Variants in DOCK8 observed in about 807,000 individuals in gnomAD.
The protein encoded by DOCK8 is dedicator of cytokinesis 8.
Under a neutral mutation model 245.6 loss-of-function variants are expected in DOCK8, and 141 were observed. The observed-to-expected ratio is 0.57, with a 90% CI of 0.50 to 0.66. The LOEUF (loss-of-function observed/expected upper bound fraction) is 0.66, where lower values mean the gene tolerates loss of function less well. Ranked by LOEUF, DOCK8 falls within the 30% of genes least tolerant of loss-of-function variation. The pLI is 0.00. For synonymous variants in DOCK8, 1,168 were observed against 970.2 expected (o/e 1.20, Z -3.79); for missense variants, 2,965 against 2,603.4 (o/e 1.14, Z -3.02).
chr9:311,418 CTT>C (rs527490172), intron 5 of DOCK8, among the ~76,000 whole-genome samples: 36 of 139,088 alleles, frequency 2.6e-4, no homozygotes, highest in Non-Finnish European at 1.9e-4. Flanking sequence ...CTAAGTTTTG[CTT>C]TTTTTTTTTT....
chr9:401,503 G>C (rs1250951797), intron 26 of DOCK8, among the ~76,000 whole-genome samples: 1 of 152,186 alleles, frequency 6.6e-6, no homozygotes, highest in African/African-American at 2.4e-5. Context: ...TTAGGGCCCT[G>C]TATCTGCAAG....
chr9:215,187 T>C (rs1003771994), intron 1 of DOCK8, 158 bp downstream of exon 1: 7 of 1,512,812 alleles, frequency 4.6e-6, no homozygotes, highest in African/African-American at 2.9e-5. Flanking sequence ...GCTGCGGCGG[T>C]GGAGCCGCTG....
chr9:365,105 T>G (rs1012383999), intron 14 of DOCK8, among the ~76,000 whole-genome samples: 1 of 152,198 alleles, frequency 6.6e-6, no homozygotes, highest in Non-Finnish European at 1.5e-5. Flanking sequence ...AAGGGCAAGG[T>G]CATGTAGGAC....
chr9:352,594 T>A (rs7027426), intron 14 of DOCK8, among the ~76,000 whole-genome samples: 86,730 of 151,480 alleles, frequency 0.57, 25,620 homozygotes, highest in East Asian at 0.82. Context: ...ATACAAAAAA[T>A]TAGCTGGGCG....
chr9:413,178 A>AAT (rs1294845305), intron 28 of DOCK8, among the ~76,000 whole-genome samples: 1 of 152,192 alleles, frequency 6.6e-6, no homozygotes, highest in Non-Finnish European at 1.5e-5. Flanking sequence ...ATTTTCAATA[A>AAT]ATGGTGTTGG....
intron 25 of DOCK8, 122 bp from the exon 26 acceptor site, chr9:399,024 C>T (rs2054603184): frequency 5.8e-6 from 5 of 863,022 alleles, no homozygotes; most frequent in East Asian, 2.6e-5. Context: ...TCGCCCAGTG[C>T]CACCCAGAAG....
In DOCK8 at chr9:214,965, C is replaced by A; in HGVS notation, c.-12C>A. ...CCCGCGACCCTAGAAGCCACCGAAC[C>A]GCCGGCGGGCCATGGCCACTCTGCC... On this transcript the variant is annotated 5_prime_UTR_variant, in exon 1 of 48. Transcript: ENST00000432829. The A allele has an allele frequency of 2.5e-6, 4 of 1,602,178 alleles. No homozygotes were observed. The highest frequency in any genetic ancestry group is 3.4e-6 in the Non-Finnish European group (4 of 1,176,678).
At position 418,300 on chromosome 9, in the gene DOCK8, C is replaced by G. The variant is rs970959085; in HGVS notation, c.3840+93C>G. Reference sequence around the variant, plus strand: ...TTGTTTGTTTGTTTTGAGACAGAGTCTCACTCTGTTGCACAGGCTGGAGTG... The same window carrying G: ...TTGTTTGTTTGTTTTGAGACAGAGTGTCACTCTGTTGCACAGGCTGGAGTG... On this transcript the variant is annotated intron_variant, in intron 30 of 47. Coordinates refer to ENST00000432829, the MANE Select transcript of DOCK8 (RefSeq NM_203447.4). 4.2e-5 allele frequency: 65 copies of G among 1,530,272 alleles called. 1 individual carries two copies. The Middle Eastern group carries it at 8.7e-4, about 21-fold the overall frequency. The allele number at this position is 1,530,272 out of a possible 1,614,324, so 94.8% of individuals were successfully genotyped here.
rs2053765894 is a variant in DOCK8, at chr9:382,564, C to T, written c.2657C>T (p.Thr886Ile). The change falls in exon 22 of 48, where the codon ACA becomes ATA. Residue 886 changes from threonine (T) to isoleucine (I), a missense_variant. Thr to Ile is a moderately conservative substitution (Grantham distance 89). Transcript: ENST00000432829. ...CGGAGCTACCACACGTATGGCCGCA[C>T]ATCAGCTGCTGCTGTGAGTTCAAAG... ...DPRSYHTYGR[T>I]SAAAVSSKLL... 5 of 1,614,146 alleles carry T rather than the reference C, an allele frequency of 3.1e-6. No individual in the cohort carries two copies. The highest frequency in any genetic ancestry group is 4.2e-6 in the Non-Finnish European group (5 of 1,180,008).
At chr9:403,917 CATATATATATATGTGTA>C (rs2055253668) in intron 26 of DOCK8, among the ~76,000 whole-genome samples, 1 of 65,138 alleles carries the variant, frequency 1.5e-5, no homozygotes, top group African/African-American at 8.1e-5. Context: ...TATATATATA[CATATATATATATGTGTA>C]TATATATATG....
At chr9:457,939 G>A (rs1313583329) in intron 46 of DOCK8, among the ~76,000 whole-genome samples, 13 of 152,196 alleles carry the variant, frequency 8.5e-5, no homozygotes, top group Admixed American at 8.5e-4. Flanking sequence ...AAGAGGTTAA[G>A]TAGCTTGTTT....
intron 29 of DOCK8, among the ~76,000 whole-genome samples, chr9:416,912 G>A (rs2131614812): frequency 6.6e-6 from 1 of 152,210 alleles, no homozygotes; most frequent in East Asian, 1.9e-4. Context: ...TGTTAGTTGT[G>A]ATAATGTTAT....
chr9:240,248 T>C (rs986730196), intron 1 of DOCK8, among the ~76,000 whole-genome samples: 7 of 152,198 alleles, frequency 4.6e-5, no homozygotes, highest in Non-Finnish European at 7.4e-5. Context: ...GTCAATCTTT[T>C]ATACAGGTTA....
intron 44 of DOCK8, among the ~76,000 whole-genome samples, chr9:446,956 A>T (rs1376614334): frequency 1.3e-5 from 2 of 152,030 alleles, no homozygotes; most frequent in African/African-American, 4.8e-5. Flanking sequence ...TCTATATTTC[A>T]AAGCTTAGAG....
intron 14 of DOCK8, among the ~76,000 whole-genome samples, chr9:364,641 GAAAAA>G (rs34033459): frequency 3.5e-5 from 3 of 84,510 alleles, no homozygotes; most frequent in African/African-American, 1.3e-4. Flanking sequence ...CTCAAAAATT[GAAAAA>G]AAAAAAAAAA....
Position 386,377 on chromosome 9 carries a change from G to A in DOCK8, c.2825G>A (p.Ser942Asn), listed in dbSNP as rs747470097. ...CGAATGTCTTACTATTGCTCTGGCA[G>A]TAGTGATGCTCCAAGTTCACCTGCA... Reference protein sequence around the residue: ...CSRMSYYCSGSSDAPSSPAAP... With the variant: ...CSRMSYYCSGNSDAPSSPAAP... The change falls in exon 23 of 48, where the codon AGT (serine) becomes AAT (asparagine). Residue 942 changes from serine (S) to asparagine (N), a missense_variant. By Grantham distance (46) the Ser-to-Asn change is conservative (BLOSUM62 1). Coordinates refer to ENST00000432829, the MANE Select transcript of DOCK8 (RefSeq NM_203447.4). The A allele has an allele frequency of 1.1e-5, 18 of 1,613,864 alleles. No homozygotes were observed. In the East Asian group the frequency reaches 1.8e-4, roughly 16 times the overall value.
Position 334,339 on chromosome 9 carries a change from G to T in DOCK8, c.1240G>T (p.Val414Phe), listed in dbSNP as rs754749124. The T allele has an allele frequency of 6.2e-7, 1 of 1,614,148 alleles. No individual in the cohort carries two copies. The highest frequency in any genetic ancestry group is 8.5e-7 in the Non-Finnish European group (1 of 1,179,998). ...CATAAGCTTATCAAGCTTCTTCAAT[G>T]TCTCCACCCTTGAGAGGGAGGTAAC... The part of the protein sequence containing the change: ...APISLSSFFN[V>F]STLEREVTDV... Residue 414 changes from valine (V) to phenylalanine (F), a missense_variant, in exon 11 of 48, where the codon GTC becomes TTC. By Grantham distance (50) the Val-to-Phe change is conservative. Around this residue, in one of 3 missense-constraint regions of DOCK8, gnomAD observed 2,825 missense variants for 2,453.5 expected, o/e 1.15. Transcript: ENST00000432829.
At chr9:400,147 ACCATCACCACCACCACCACCT>A (rs2054760346) in intron 26 of DOCK8, among the ~76,000 whole-genome samples, 1 of 67,526 alleles carries the variant, frequency 1.5e-5, no homozygotes, top group Non-Finnish European at 2.6e-5. Flanking sequence ...CACCACCTCC[ACCATCACCACCACCACCACCT>A]CCACCATCAC....
intron 26 of DOCK8, among the ~76,000 whole-genome samples, chr9:400,897 C>CT: frequency 8.2e-6 from 1 of 121,496 alleles, no homozygotes; most frequent in Admixed American, 8.0e-5. Flanking sequence ...CCACCACCTC[C>CT]CCCACTACCA....
Sources: allele counts gnomAD v4.1 joint callset (sites outside exome capture counted in the v4.1 genomes callset), GRCh38; gene constraint gnomAD v4.1.1; regional missense constraint gnomAD v4.1.1; transcripts MANE v1.5; gene names NCBI Gene and HGNC (gene_info 2026-07-23, HGNC 2026-07-21).